HK1: variants seen among roughly 807,000 people sequenced by gnomAD.
HK1 encodes hexokinase-1.
HK1 carries 28 observed loss-of-function variants against 91.6 expected under a neutral mutation model. The observed-to-expected ratio is 0.31, with a 90% confidence interval of 0.23 to 0.42. HK1 has a LOEUF of 0.42. HK1 is among the 10% of genes least tolerant of loss of function. The probability of loss-of-function intolerance (pLI) is 1.00; values close to 1 mark genes in which losing one functional copy is unlikely to be tolerated. For missense variants in HK1, 770 were observed against 1,219.8 expected (o/e 0.63, Z 5.49); for synonymous variants, 430 against 468.1 (o/e 0.92, Z 1.05).
chr10:69,383,531 G>A (rs1194843068), intron 10 of HK1, among the ~76,000 whole-genome samples: 2 of 152,230 alleles, frequency 1.3e-5, no homozygotes, highest in Non-Finnish European at 2.9e-5. Context: ...CTCACACTTA[G>A]TGGCTTAAAA....
At chr10:69,304,913 C>A (rs1846038035) in intron 5 of HK1, among the ~76,000 whole-genome samples, 1 of 152,114 alleles carries the variant, frequency 6.6e-6, no homozygotes, top group South Asian at 2.1e-4. Flanking sequence ...GCTAGAAGTC[C>A]AAATTCAAGG....
At chr10:69,368,854 G>T (rs764617035) in intron 5 of HK1, among the ~76,000 whole-genome samples, 2 of 152,164 alleles carry the variant, frequency 1.3e-5, no homozygotes, top group African/African-American at 2.4e-5. Flanking sequence ...GGAGCAGGGG[G>T]TCACCTCCTG....
chr10:69,394,875 T>C (rs988255062), intron 15 of HK1, 75 bp from the exon 16 acceptor site: 3 of 1,467,424 alleles, frequency 2.0e-6, no homozygotes, highest in African/African-American at 2.8e-5. Context: ...AGACGCGGAG[T>C]GACCGTGAGA....
intron 2 of HK1, among the ~76,000 whole-genome samples, chr10:69,284,892 C>A (rs1844944177): frequency 6.6e-6 from 1 of 152,118 alleles, no homozygotes; most frequent in South Asian, 2.1e-4. Flanking sequence ...TCTTGGCTCA[C>A]TGCAAGCTCT....
At position 69,368,825 on chromosome 10, in the gene HK1, G is replaced by T. The variant is rs566544536; in HGVS notation, c.591+194G>T. Among the ~76,000 whole-genome samples, 3 of 152,290 alleles carry T rather than the reference G, an allele frequency of 2.0e-5. No individual in the cohort carries two copies. In the East Asian group the frequency reaches 5.8e-4, roughly 29 times the overall value. On this transcript the variant is annotated intron_variant, in intron 5 of 17. Coordinates refer to ENST00000359426, the MANE Select transcript of HK1 (RefSeq NM_000188.3). ...GCAAAGCCCAGCTCTCGGAGGTGCT[G>T]CCTGGAGCACCCAGGCCTGGAGCAG...
chr10:69,396,270 C>CAAA (rs1307475339), intron 16 of HK1, among the ~76,000 whole-genome samples: 2 of 62,836 alleles, frequency 3.2e-5, no homozygotes, highest in Non-Finnish European at 3.8e-5. Context: ...GACTCTGTCT[C>CAAA]AAAAAAAAAA....
chr10:69,289,126 C>T (rs1280002507), intron 3 of HK1, among the ~76,000 whole-genome samples: 5 of 152,146 alleles, frequency 3.3e-5, no homozygotes, highest in African/African-American at 1.2e-4. Flanking sequence ...GCTCAACCTG[C>T]TCTCCCTGGC....
At chr10:69,296,907 A>G (rs758552648) in intron 4 of HK1, among the ~76,000 whole-genome samples, 7 of 152,172 alleles carry the variant, frequency 4.6e-5, no homozygotes, top group Non-Finnish European at 8.8e-5. Flanking sequence ...TTGGGCATCC[A>G]GGAAACCAGA....
intron 12 of HK1, 52 bp downstream of exon 12, chr10:69,384,967 G>A (rs746960145): frequency 1.2e-6 from 2 of 1,609,290 alleles, no homozygotes; most frequent in South Asian, 1.1e-5. Flanking sequence ...AGTCCCCTGT[G>A]GCCTGGGTGG....
chr10:69,339,053 G>A (rs1848162748), intron 1 of HK1, among the ~76,000 whole-genome samples: 1 of 152,198 alleles, frequency 6.6e-6, no homozygotes, highest in African/African-American at 2.4e-5. Flanking sequence ...GCGTGGTCCA[G>A]TGGAGTGCCA....
chr10:69,270,083 G>A (rs1844078191), exon 1 of HK1: 1 of 152,206 alleles, frequency 6.6e-6, no homozygotes. Context: ...AAGTTTAATA[G>A]GCAAGACCAG....
At chr10:69,399,630 G>A (rs56233660) in intron 17 of HK1, among the ~76,000 whole-genome samples, 9,187 of 152,136 alleles carry the variant, frequency 0.06, 384 homozygotes, top group Middle Eastern at 0.092. Flanking sequence ...GGAGGGGTAG[G>A]GAGTGGCCTC....
chr10:69,353,497 G>A (rs1848984816), intron 2 of HK1, among the ~76,000 whole-genome samples: 1 of 152,088 alleles, frequency 6.6e-6, no homozygotes, highest in Non-Finnish European at 1.5e-5. Flanking sequence ...GGAGGTTGAG[G>A]TGGGAGGATC....
upstream of HK1, chr10:69,316,145 A>G (rs10998712): frequency 0.038 from 30,978 of 808,950 alleles, 2,072 homozygotes; most frequent in African/African-American, 0.24. Flanking sequence ...TGGAGTGGAC[A>G]TGGTGGGGGC....
Position 69,293,999 on chromosome 10 carries a change from C to G in HK1, c.-114-1634C>G, listed in dbSNP as rs191521582. Among the ~76,000 whole-genome samples the G allele has an allele frequency of 4.3e-3, 652 of 151,490 alleles. 6 individuals are homozygous for G. The highest frequency in any genetic ancestry group is 0.014 in the African/African-American group (586 of 41,264). On this transcript the variant is annotated intron_variant, in intron 3 of 21. Coordinates refer to the HK1 transcript ENST00000360289. ...GCCTCAGCCTCCCGAGTAGCTGGGA[C>G]TACAGGCGCCCACCACCACGCCCGG...
chr10:69,340,583 C>T (rs540397661), intron 1 of HK1, among the ~76,000 whole-genome samples: 5 of 152,192 alleles, frequency 3.3e-5, no homozygotes, highest in East Asian at 1.9e-4. Context: ...TTTAGAGGTG[C>T]GATATCACTA....
intron 1 of HK1, among the ~76,000 whole-genome samples, chr10:69,333,542 T>C (rs1203455035): frequency 3.3e-5 from 5 of 152,138 alleles, no homozygotes; most frequent in African/African-American, 1.2e-4. Context: ...TGGCCACTTT[T>C]ACCAGTCAGG....
intron 1 of HK1, among the ~76,000 whole-genome samples, chr10:69,329,692 AC>A (rs1188440507): frequency 2.0e-5 from 3 of 151,952 alleles, no homozygotes; most frequent in African/African-American, 7.3e-5. Flanking sequence ...CCACCATTAC[AC>A]CCAACTCTCA....
At chr10:69,271,578 G>A (rs1025409135) in intron 1 of HK1, among the ~76,000 whole-genome samples, 6 of 149,482 alleles carry the variant, frequency 4.0e-5, no homozygotes, top group African/African-American at 1.2e-4. Context: ...CTGGGTTCAT[G>A]CCATTCTCCT....
Sources: allele counts gnomAD v4.1 joint callset (sites outside exome capture counted in the v4.1 genomes callset), GRCh38; gene constraint gnomAD v4.1.1; transcripts MANE v1.5; gene names NCBI Gene and HGNC (gene_info 2026-07-23, HGNC 2026-07-21).